The following LYRM4 variants were observed in gnomAD, a reference collection of about 807,000 sequenced individuals.
LYRM4 encodes the protein LYR motif-containing protein 4.
In LYRM4, 9 loss-of-function variants were observed where a neutral mutation model predicts 11.7. That is an observed-to-expected ratio of 0.77 (90% CI 0.46 to 1.34). The LOEUF is 1.34. Among genes scored for constraint, LYRM4 ranks in the 40% most tolerant of loss-of-function variants. The pLI is 0.00. For synonymous variants in LYRM4, 42 were observed against 40.4 expected (o/e 1.04, Z -0.15); for missense variants, 133 against 112.5 (o/e 1.18, Z -0.82).
chr6:5,155,993 C>G (rs1287155965), intron 2 of LYRM4, among the ~76,000 whole-genome samples: 2 of 152,246 alleles, frequency 1.3e-5, no homozygotes, highest in Non-Finnish European at 2.9e-5. Flanking sequence ...ATTTCACACA[C>G]AGTTCTCCAG....
chr6:5,246,066 G>A lies in LYRM4; in HGVS notation c.86+14582C>T, dbSNP rs116848441. ...AATTAAAAAAAGGGAGCAGGGTGGTGTTGGGCAGTTTCAGAGTGCTTACCC... is the reference window on the plus strand; with the variant it reads ...AATTAAAAAAAGGGAGCAGGGTGGTATTGGGCAGTTTCAGAGTGCTTACCC... On this transcript the variant is annotated intron_variant, in intron 1 of 2. Coordinates refer to ENST00000330636, the MANE Select transcript of LYRM4 (RefSeq NM_020408.6). Among the ~76,000 whole-genome samples the A allele has an allele frequency of 6.5e-4, 99 of 152,294 alleles. 5 individuals are homozygous for A. The East Asian group carries it at 0.019, about 29-fold the overall frequency.
intron 2 of LYRM4, among the ~76,000 whole-genome samples, chr6:5,189,543 C>G (rs1360224752): frequency 1.3e-5 from 2 of 152,200 alleles, no homozygotes; most frequent in African/African-American, 4.8e-5. Context: ...AGTCCTGGTG[C>G]TCTGACATGC....
In LYRM4 at chr6:5,154,756, T is replaced by C. The variant is rs569289237; in HGVS notation, c.208-45265A>G. The stretch of plus-strand genomic sequence containing the variant: ...ATGGCGTGAACCCGGGAGGCGGAGC[T>C]TGCAGTGAGCCGGGATCGCGCCACT... On this transcript the variant is annotated intron_variant, in intron 2 of 2. Coordinates refer to ENST00000330636, the MANE Select transcript of LYRM4 (RefSeq NM_020408.6). Among the ~76,000 whole-genome samples the C allele has an allele frequency of 4.1e-4, 63 of 152,070 alleles. No individual in the cohort carries two copies. The South Asian group carries it at 5.0e-3, about 12-fold the overall frequency.
intron 2 of LYRM4, among the ~76,000 whole-genome samples, chr6:5,116,833 A>C (rs540321234): frequency 6.6e-6 from 1 of 152,360 alleles, no homozygotes; most frequent in Non-Finnish European, 1.5e-5. Flanking sequence ...AATAACCTGC[A>C]GGGGAGGAAG....
chr6:5,247,475 G>A (rs929250871), intron 1 of LYRM4, among the ~76,000 whole-genome samples: 6 of 152,186 alleles, frequency 3.9e-5, no homozygotes, highest in Admixed American at 1.3e-4. Context: ...TTAGTTAAGA[G>A]ACACTTTTGC....
intron 1 of LYRM4, among the ~76,000 whole-genome samples, chr6:5,239,439 T>C (rs1375816989): frequency 6.6e-6 from 1 of 151,524 alleles, no homozygotes; most frequent in Non-Finnish European, 1.5e-5. Context: ...AAAGGACAAA[T>C]GGAGGGGAAT....
chr6:5,152,559 G>T (rs551497558), intron 2 of LYRM4, among the ~76,000 whole-genome samples: 1 of 152,302 alleles, frequency 6.6e-6, no homozygotes, highest in Admixed American at 6.5e-5. Context: ...AAACGGAGAA[G>T]TGAGGCAGCC....
the LYRM4 span, among the ~76,000 whole-genome samples, chr6:5,095,236 T>G: frequency 6.6e-6 from 1 of 152,128 alleles, no homozygotes; most frequent in Non-Finnish European, 1.5e-5. Flanking sequence ...GCTAAACAGA[T>G]CCTCATAATA....
At chr6:5,239,448 A>G (rs1384765955) in intron 1 of LYRM4, among the ~76,000 whole-genome samples, 1 of 152,086 alleles carries the variant, frequency 6.6e-6, no homozygotes, top group Non-Finnish European at 1.5e-5. Flanking sequence ...ATGGAGGGGA[A>G]TCACTAGAGC....
chr6:5,193,652 A>T (rs1760891080), intron 2 of LYRM4, among the ~76,000 whole-genome samples: 1 of 152,228 alleles, frequency 6.6e-6, no homozygotes, highest in Admixed American at 6.5e-5. Flanking sequence ...ATTAACCAAC[A>T]ATCTAAGTTA....
At chr6:5,129,584 C>T (rs1763854418) in intron 2 of LYRM4, among the ~76,000 whole-genome samples, 1 of 152,096 alleles carries the variant, frequency 6.6e-6, no homozygotes, top group Non-Finnish European at 1.5e-5. Context: ...TACAGTAGGG[C>T]CAATGTGGAT....
chr6:5,057,870 T>C, the LYRM4 span, among the ~76,000 whole-genome samples: 1 of 151,824 alleles, frequency 6.6e-6, no homozygotes, highest in African/African-American at 2.4e-5. Flanking sequence ...CAAGCAATCC[T>C]CCCACCTCAG....
downstream of LYRM4, among the ~76,000 whole-genome samples, chr6:5,101,968 C>CATTTTTTTTTTTTTTTTT (rs556454653): frequency 1.5e-5 from 1 of 67,988 alleles, no homozygotes; most frequent in African/African-American, 4.6e-5. Context: ...CTAATGCTTT[C>CATTTTTTTTTTTTTTTTT]TTTTTTTTTT....
the LYRM4 span, among the ~76,000 whole-genome samples, chr6:5,038,878 TGGAG>T: frequency 0.038 from 272 of 7,126 alleles, 32 homozygotes; most frequent in African/African-American, 0.098. Context: ...AAGGAGACCG[TGGAG>T]GGAGAGAGAG....
chr6:5,059,389 C>T, the LYRM4 span, among the ~76,000 whole-genome samples: 1 of 151,530 alleles, frequency 6.6e-6, no homozygotes, highest in Non-Finnish European at 1.5e-5. Flanking sequence ...AAGCACACTC[C>T]TCCCCTTTTA....
chr6:5,203,218 GA>G (rs1761490632), intron 2 of LYRM4, among the ~76,000 whole-genome samples: 1 of 152,204 alleles, frequency 6.6e-6, no homozygotes, highest in Non-Finnish European at 1.5e-5. Context: ...GGGTATTACA[GA>G]AATCCAAGGA....
At chr6:5,204,370 T>C (rs1293542918) in intron 2 of LYRM4, among the ~76,000 whole-genome samples, 1 of 152,100 alleles carries the variant, frequency 6.6e-6, no homozygotes, top group Non-Finnish European at 1.5e-5. Context: ...AAGGAGGAGT[T>C]TTAGTCTGAG....
chr6:5,189,900 G>T (rs1004906799), intron 2 of LYRM4, among the ~76,000 whole-genome samples: 1 of 152,166 alleles, frequency 6.6e-6, no homozygotes, highest in Admixed American at 6.5e-5. Flanking sequence ...CTGACACAAA[G>T]AATTGTTTTC....
At chr6:5,086,332 G>A in the LYRM4 span, 2 of 1,535,692 alleles carry the variant, frequency 1.3e-6, no homozygotes, top group Admixed American at 2.0e-5. Context: ...ACCGTCTGGG[G>A]CCTCCGAGCC....
Sources: allele counts gnomAD v4.1 joint callset (sites outside exome capture counted in the v4.1 genomes callset), GRCh38; gene constraint gnomAD v4.1.1; transcripts MANE v1.5; gene names NCBI Gene and HGNC (gene_info 2026-07-23, HGNC 2026-07-21).